Variants in COL26A1 observed in about 807,000 individuals in gnomAD.
COL26A1 encodes the protein collagen alpha-1(XXVI) chain.
Under a neutral mutation model 59.3 loss-of-function variants are expected in COL26A1, and 41 were observed. The observed-to-expected ratio is 0.69, with a 90% CI of 0.54 to 0.90. The LOEUF (loss-of-function observed/expected upper bound fraction) is 0.90. COL26A1 is among the 40% of genes least tolerant of loss of function. COL26A1 has a pLI of 0.00. For missense variants in COL26A1, 612 were observed against 602.3 expected, an observed-to-expected ratio of 1.02 and a Z score of -0.17; for synonymous variants, 266 against 256.0, an observed-to-expected ratio of 1.04 and a Z score of -0.37.
intron 2 of COL26A1, among the ~76,000 whole-genome samples, chr7:101,423,657 C>T (rs1792577143): frequency 6.6e-6 from 1 of 152,034 alleles, no homozygotes; most frequent in Non-Finnish European, 1.5e-5. Flanking sequence ...ATTGCTTGAA[C>T]CTGGCAGGCG....
intron 1 of COL26A1, among the ~76,000 whole-genome samples, chr7:101,401,700 G>GGAAGAGT (rs1792007361): frequency 8.2e-6 from 1 of 121,246 alleles, no homozygotes; most frequent in Non-Finnish European, 1.7e-5. Context: ...GGAGGAGGAA[G>GGAAGAGT]AGTAGGAGGT....
chr7:101,462,205 G>A (rs1333696560), intron 3 of COL26A1, among the ~76,000 whole-genome samples: 2 of 151,536 alleles, frequency 1.3e-5, no homozygotes, highest in East Asian at 1.9e-4. Flanking sequence ...TCACCATGTT[G>A]GCCTGGCTGG....
intron 3 of COL26A1, among the ~76,000 whole-genome samples, chr7:101,515,372 A>C (rs6979764): frequency 0.62 from 94,588 of 151,708 alleles, 30,635 homozygotes; most frequent in African/African-American, 0.75. Context: ...GCAACCTACA[A>C]CTTCTGGTTC....
At chr7:101,379,981 T>C (rs1021779413) in intron 1 of COL26A1, among the ~76,000 whole-genome samples, 3 of 152,148 alleles carry the variant, frequency 2.0e-5, no homozygotes, top group Admixed American at 2.0e-4. Context: ...TCTATTCCTT[T>C]ACTTACTTAC....
chr7:101,547,335 G>T, intron 8 of COL26A1, 96 bp downstream of exon 8: 1 of 765,042 alleles, frequency 1.3e-6, no homozygotes, highest in African/African-American at 1.8e-5. Flanking sequence ...GTCGGCTGGC[G>T]GTCCATGGCT....
intron 3 of COL26A1, among the ~76,000 whole-genome samples, chr7:101,471,580 T>G (rs938309045): frequency 7.7e-5 from 7 of 90,616 alleles, no homozygotes; most frequent in African/African-American, 2.8e-4. Flanking sequence ...TGTTTTTTTT[T>G]TTTTTTTTTT....
At chr7:101,531,589 G>C (rs1277510906) in intron 3 of COL26A1, among the ~76,000 whole-genome samples, 7 of 152,134 alleles carry the variant, frequency 4.6e-5, no homozygotes, top group African/African-American at 1.7e-4. Flanking sequence ...GAAGGAGGGA[G>C]AGGGGCCCTC....
At chr7:101,555,960 C>T in intron 12 of COL26A1, 89 bp downstream of exon 12, 2 of 1,152,560 alleles carry the variant, frequency 1.7e-6, no homozygotes, top group Non-Finnish European at 2.5e-6. Flanking sequence ...CCTAGGGTCT[C>T]TGGTCTCCCT....
At chr7:101,520,662 A>ACACACACCC (rs915256077) in intron 3 of COL26A1, among the ~76,000 whole-genome samples, 1 of 143,238 alleles carries the variant, frequency 7.0e-6, no homozygotes, top group African/African-American at 2.6e-5. Flanking sequence ...ACACACACAC[A>ACACACACCC]CCCCCGTGTT....
At chr7:101,375,615 G>T (rs576515417) in intron 1 of COL26A1, among the ~76,000 whole-genome samples, 2 of 152,104 alleles carry the variant, frequency 1.3e-5, no homozygotes, top group South Asian at 4.1e-4. Flanking sequence ...TGAGGCAGGA[G>T]GATTGCTTGA....
chr7:101,533,001 C>T, intron 3 of COL26A1, 81 bp from the exon 4 acceptor site: 2 of 1,072,888 alleles, frequency 1.9e-6, no homozygotes, highest in Non-Finnish European at 2.8e-6. Flanking sequence ...GCCTGCCTGC[C>T]CAGAGGCTAT....
intron 5 of COL26A1, 76 bp downstream of exon 5, chr7:101,540,125 G>C: frequency 1.4e-6 from 2 of 1,453,354 alleles, no homozygotes; most frequent in Non-Finnish European, 1.8e-6. Flanking sequence ...GGCCTCCCTA[G>C]AGAGGCCACA....
chr7:101,522,263 C>T (rs567860107), intron 3 of COL26A1, among the ~76,000 whole-genome samples: 1 of 152,324 alleles, frequency 6.6e-6, no homozygotes, highest in Non-Finnish European at 1.5e-5. Context: ...AGGCACCCAC[C>T]TTCTCGCCAA....
chr7:101,489,452 C>T (rs1054477113), intron 3 of COL26A1, among the ~76,000 whole-genome samples: 4 of 152,176 alleles, frequency 2.6e-5, no homozygotes, highest in Non-Finnish European at 5.9e-5. Context: ...GGGTCCTGAT[C>T]CAGACGCCAA....
At chr7:101,523,048 G>T (rs759529532) in intron 3 of COL26A1, among the ~76,000 whole-genome samples, 37 of 151,612 alleles carry the variant, frequency 2.4e-4, no homozygotes, top group Non-Finnish European at 4.9e-4. Context: ...TCTCTTAATG[G>T]TGTCTTTTGA....
At chr7:101,494,781 T>C (rs1331432032) in intron 3 of COL26A1, among the ~76,000 whole-genome samples, 1 of 152,206 alleles carries the variant, frequency 6.6e-6, no homozygotes, top group East Asian at 1.9e-4. Flanking sequence ...ACTTGTTTAA[T>C]GGTATGAACG....
intron 1 of COL26A1, among the ~76,000 whole-genome samples, chr7:101,402,832 C>G (rs1276928961): frequency 7.6e-6 from 1 of 131,528 alleles, no homozygotes; most frequent in African/African-American, 2.9e-5. Context: ...CTTTCCTTTT[C>G]TTTCTTTCCT....
intron 3 of COL26A1, among the ~76,000 whole-genome samples, chr7:101,531,642 C>T (rs899289955): frequency 6.6e-6 from 1 of 152,172 alleles, no homozygotes; most frequent in Non-Finnish European, 1.5e-5. Flanking sequence ...TAGGGTGTTG[C>T]CCCCTCTTGA....
intron 5 of COL26A1, among the ~76,000 whole-genome samples, chr7:101,541,523 T>C (rs1187000030): frequency 6.6e-6 from 1 of 151,532 alleles, no homozygotes; most frequent in Non-Finnish European, 1.5e-5. Context: ...TTTTTTTTTT[T>C]TAATTTTTAG....
Sources: allele counts gnomAD v4.1 joint callset (sites outside exome capture counted in the v4.1 genomes callset), GRCh38; gene constraint gnomAD v4.1.1; transcripts MANE v1.5; gene names NCBI Gene and HGNC (gene_info 2026-07-23, HGNC 2026-07-21).